Variants in GALNT2 observed in about 807,000 individuals in gnomAD.
The protein encoded by GALNT2 is polypeptide N-acetylgalactosaminyltransferase 2.
Under a neutral mutation model 81.4 loss-of-function variants are expected in GALNT2, and 31 were observed. That is an observed-to-expected ratio of 0.38 (90% CI 0.29 to 0.51). The LOEUF (loss-of-function observed/expected upper bound fraction) is 0.51. Ranked by LOEUF, GALNT2 falls within the 20% of genes least tolerant of loss-of-function variation. The pLI, the probability that GALNT2 is intolerant of heterozygous loss-of-function variation, is 0.87. For synonymous variants in GALNT2, 303 were observed against 287.4 expected (o/e 1.05, Z -0.55); for missense variants, 629 against 765.7 (o/e 0.82, Z 2.11).
intron 2 of GALNT2, among the ~76,000 whole-genome samples, chr1:230,191,746 C>G (rs539004289): frequency 6.6e-6 from 1 of 152,258 alleles, no homozygotes; most frequent in African/African-American, 2.4e-5. Flanking sequence ...CTCCTGAGCC[C>G]AAGTGATCCC....
chr1:230,280,163 A>C lies in GALNT2; in HGVS notation c.*705A>C, dbSNP rs574222096. On this transcript the variant is annotated 3_prime_UTR_variant, in exon 16 of 16. Transcript: ENST00000366672. ...AAAGCCGTTCGCAGCTTCCGGGAGA[A>C]GGGGCCAGAGCCCGGTGGGGCCAGT... is the stretch of plus-strand genomic sequence containing the variant. The C allele has an allele frequency of 2.6e-6, 1 of 377,538 alleles. No homozygotes were observed. The highest frequency in any genetic ancestry group is 7.3e-5 in the East Asian group (1 of 13,752). The allele number at this position is 377,538 out of a possible 1,614,324, so 23.4% of individuals were successfully genotyped here. A position where few individuals can be genotyped will look rare whatever the true frequency, so the allele number is the denominator to read the frequency against.
chr1:230,201,491 A>T lies in GALNT2; in HGVS notation c.221-1646A>T, dbSNP rs115271884. On this transcript the variant is annotated intron_variant, in intron 2 of 15. Coordinates refer to ENST00000366672, the MANE Select transcript of GALNT2 (RefSeq NM_004481.5). ...CTCAGTTTCCTCATCTCTGAAATAG[A>T]GAAAGGAACACAATGGCCCTTCAAT... Among the ~76,000 whole-genome samples, 764 of 152,314 alleles carry T rather than the reference A, an allele frequency of 5.0e-3. 6 individuals carry two copies. The highest frequency in any genetic ancestry group is 0.017 in the African/African-American group (717 of 41,562).
At chr1:230,175,498 C>T (rs1558124620) in intron 1 of GALNT2, among the ~76,000 whole-genome samples, 1 of 151,876 alleles carries the variant, frequency 6.6e-6, no homozygotes, top group African/African-American at 2.4e-5. Context: ...CTCGTAAATA[C>T]TGTGTTAGGC....
intron 2 of GALNT2, among the ~76,000 whole-genome samples, chr1:230,198,334 A>C (rs868217476): frequency 1.4e-4 from 21 of 146,512 alleles, no homozygotes; most frequent in South Asian, 2.2e-4. Context: ...AGCCCAGGAG[A>C]GTACGAGGAG....
chr1:230,063,475 C>T (rs1659096565), upstream of GALNT2, among the ~76,000 whole-genome samples: 1 of 152,014 alleles, frequency 6.6e-6, no homozygotes, highest in Non-Finnish European at 1.5e-5. Flanking sequence ...TACATTTTGT[C>T]CTTGCAGTTT....
At chr1:230,104,805 T>G (rs533687907) in intron 1 of GALNT2, among the ~76,000 whole-genome samples, 2 of 152,316 alleles carry the variant, frequency 1.3e-5, no homozygotes, top group East Asian at 1.9e-4. Flanking sequence ...ATTACTGGTC[T>G]TTGCAGGAAG....
At position 230,236,679 on chromosome 1, in the gene GALNT2, G is replaced by A. The variant is rs767907243; in HGVS notation, c.561G>A (p.Leu187=). The A allele has an allele frequency of 6.2e-7, 1 of 1,613,298 alleles. No individual in the cohort carries two copies. Among genetic ancestry groups the A allele is most frequent in the South Asian group, 1.1e-5 (1 of 90,832 alleles). The change falls in exon 6 of 16, where the codon TTG becomes TTA. Residue 187 remains leucine (L), a synonymous_variant. Coordinates refer to ENST00000366672, the MANE Select transcript of GALNT2 (RefSeq NM_004481.5). ...TCCTAGCTGAGGACGGGGCTCTCTT[G>A]GGGAAAATTGAGAAAGTGCGAGTTC... ...YSNDPEDGAL[L]GKIEKVRVLR... is the part of the protein sequence containing the mutation.
intron 6 of GALNT2, among the ~76,000 whole-genome samples, chr1:230,237,674 A>G (rs1323172921): frequency 6.6e-6 from 1 of 152,216 alleles, no homozygotes; most frequent in Non-Finnish European, 1.5e-5. Flanking sequence ...AAACAGTGGG[A>G]TAAGCCTTGC....
intron 14 of GALNT2, among the ~76,000 whole-genome samples, chr1:230,272,272 G>A (rs962717110): frequency 2.7e-5 from 4 of 150,858 alleles, no homozygotes; most frequent in African/African-American, 7.3e-5. Context: ...GTTGGGATTC[G>A]ACTCAGGGTC....
intron 1 of GALNT2, among the ~76,000 whole-genome samples, chr1:230,142,937 G>T (rs1661794936): frequency 6.6e-6 from 1 of 152,126 alleles, no homozygotes; most frequent in Non-Finnish European, 1.5e-5. Context: ...GGTCCTGGGG[G>T]CCAGCAATTC....
At chr1:230,192,955 T>C (rs1169531790) in intron 2 of GALNT2, among the ~76,000 whole-genome samples, 3 of 152,276 alleles carry the variant, frequency 2.0e-5, no homozygotes, top group Non-Finnish European at 4.4e-5. Flanking sequence ...TTTGTAATCC[T>C]GGCCTTGTCC....
At position 230,243,653 on chromosome 1, in the gene GALNT2, C is replaced by G. The variant is rs971969979; in HGVS notation, c.729+226C>G. Among the ~76,000 whole-genome samples the G allele has an allele frequency of 6.6e-6, 1 of 152,216 alleles. No individual in the cohort carries two copies. Among genetic ancestry groups the G allele is most frequent in the African/African-American group, 2.4e-5 (1 of 41,440 alleles). ...GAATCCATCAGTAGGAGGAACCATC[C>G]GTTGACAGGTAGGAGGCGAGGATCA... On this transcript the variant is annotated intron_variant, in intron 7 of 15. Coordinates refer to ENST00000366672, the MANE Select transcript of GALNT2 (RefSeq NM_004481.5). The surrounding 1 kb of genome is among the most constrained non-coding windows in gnomAD (Gnocchi z 4.2).
intron 1 of GALNT2, among the ~76,000 whole-genome samples, chr1:230,089,080 T>TC (rs889944251): frequency 1.8e-4 from 28 of 151,960 alleles, no homozygotes; most frequent in African/African-American, 3.9e-4. Context: ...GTATCAACTT[T>TC]CCCCCCCGAC....
In GALNT2 at chr1:230,185,469, A is replaced by G. The variant is rs561212128; in HGVS notation, c.220+7158A>G. Reference sequence around the variant, plus strand: ...TGCTATAGTCCTATGATTTGGTCTCATTCTTTTAGGGAACCTTTGTGTCTG... The same window carrying G: ...TGCTATAGTCCTATGATTTGGTCTCGTTCTTTTAGGGAACCTTTGTGTCTG... On this transcript the variant is annotated intron_variant, in intron 2 of 15. Transcript: ENST00000366672. Among the ~76,000 whole-genome samples, 3 of 152,162 alleles carry G rather than the reference A, an allele frequency of 2.0e-5. No homozygotes were observed. In the South Asian group the frequency reaches 6.2e-4, roughly 32 times the overall value.
chr1:230,069,799 GT>G (rs10708608), intron 1 of GALNT2, among the ~76,000 whole-genome samples: 137,669 of 152,212 alleles, frequency 0.9, 62,360 homozygotes, highest in African/African-American at 0.94. Flanking sequence ...GCTAGCTATA[GT>G]TTTTTTAGAG....
Position 230,236,038 on chromosome 1 carries a change from G to A in GALNT2, c.399G>A (p.Val133=), listed in dbSNP as rs766284505. 8.1e-6 allele frequency: 13 copies of A among 1,613,194 alleles called. No individual in the cohort carries two copies. The highest frequency in any genetic ancestry group is 2.7e-5 in the African/African-American group (2 of 74,900). The change falls in exon 4 of 16, where the codon GTG becomes GTA. Residue 133 remains valine, a synonymous_variant. Coordinates refer to ENST00000366672, the MANE Select transcript of GALNT2 (RefSeq NM_004481.5). ...GGTGTCAGCGGAAGCAGTGGCGGGTGGATCTGCCGGCCACCAGCGTGGTGA... is the reference window on the plus strand; with the variant it reads ...GGTGTCAGCGGAAGCAGTGGCGGGTAGATCTGCCGGCCACCAGCGTGGTGA... ...HDQCQRKQWR[V]DLPATSVVIT...
chr1:230,234,947 C>T (rs1664978989), intron 3 of GALNT2, among the ~76,000 whole-genome samples: 1 of 152,148 alleles, frequency 6.6e-6, no homozygotes, highest in Non-Finnish European at 1.5e-5. Context: ...AGCACAGTGG[C>T]TCATGCCGGT....
At chr1:230,218,515 A>T (rs1197203225) in intron 3 of GALNT2, among the ~76,000 whole-genome samples, 1 of 152,238 alleles carries the variant, frequency 6.6e-6, no homozygotes, top group Non-Finnish European at 1.5e-5. Context: ...GTGACTTAGC[A>T]CAGTGGCTGG....
At chr1:230,170,567 G>C (rs553847040) in intron 1 of GALNT2, among the ~76,000 whole-genome samples, 3 of 152,132 alleles carry the variant, frequency 2.0e-5, no homozygotes, top group Non-Finnish European at 4.4e-5. Context: ...CTAGTATATT[G>C]GTTTGTTTTA....
Sources: allele counts gnomAD v4.1 joint callset (sites outside exome capture counted in the v4.1 genomes callset), GRCh38; gene constraint gnomAD v4.1.1; non-coding constraint Gnocchi (gnomAD v3.1); transcripts MANE v1.5; gene names NCBI Gene and HGNC (gene_info 2026-07-23, HGNC 2026-07-21).